The following AFF3 variants were observed in gnomAD, a reference collection of about 807,000 sequenced individuals.
The protein encoded by AFF3 is ALF transcription elongation factor 3.
Under a neutral mutation model 129.7 loss-of-function variants are expected in AFF3, and 32 were observed. The ratio of observed to expected loss-of-function variants is 0.25; its 90% CI spans 0.19 to 0.33. The LOEUF (loss-of-function observed/expected upper bound fraction) is 0.33. Among genes scored for constraint, AFF3 ranks in the 10% least tolerant of loss-of-function variants. The pLI, the probability that AFF3 is intolerant of heterozygous loss-of-function variation, is 1.00. For missense variants in AFF3, 1,373 were observed against 1,592.0 expected (o/e 0.86, Z 2.34); for synonymous variants, 644 against 635.4 (o/e 1.01, Z -0.20).
chr2:99,847,649 TG>T lies in AFF3; in HGVS notation c.874-10126del, dbSNP rs202159581. Among the ~76,000 whole-genome samples, 972 of 152,014 alleles carry T rather than the reference TG, an allele frequency of 6.4e-3. 12 individuals are homozygous for T. Among genetic ancestry groups the T allele is most frequent in the African/African-American group, 0.022 (917 of 41,490 alleles). ...AGTGAGTCCTTCTGCTTGTAGAACT[TG>T]GGGTATCTGGGGCTGAACTCAGATA... On this transcript the variant is annotated intron_variant, in intron 7 of 24. Coordinates refer to ENST00000672756, the MANE Select transcript of AFF3 (RefSeq NM_001386135.1).
intron 12 of AFF3, among the ~76,000 whole-genome samples, chr2:99,667,318 T>C (rs1686755755): frequency 6.6e-6 from 1 of 152,164 alleles, no homozygotes; most frequent in Non-Finnish European, 1.5e-5. Flanking sequence ...CTGAACTGAA[T>C]GACGATGAAA....
At chr2:99,968,757 T>C (rs1421673893) in intron 7 of AFF3, among the ~76,000 whole-genome samples, 1 of 152,176 alleles carries the variant, frequency 6.6e-6, no homozygotes, top group Non-Finnish European at 1.5e-5. Flanking sequence ...ATAAAAGGCA[T>C]GGGCAGCCAC....
chr2:99,986,331 A>G (rs1009351232), intron 7 of AFF3, among the ~76,000 whole-genome samples: 2 of 151,724 alleles, frequency 1.3e-5, no homozygotes, highest in South Asian at 4.1e-4. Context: ...AACCTCTTCA[A>G]GCGGCAAAAT....
intron 8 of AFF3, among the ~76,000 whole-genome samples, chr2:99,813,927 G>A (rs1686999914): frequency 6.6e-6 from 1 of 152,156 alleles, no homozygotes; most frequent in Admixed American, 6.5e-5. Context: ...TTGTTCTAAT[G>A]AAACCCATTC....
intron 8 of AFF3, among the ~76,000 whole-genome samples, chr2:99,762,834 T>G (rs113103238): frequency 3.7e-4 from 57 of 152,366 alleles, no homozygotes; most frequent in African/African-American, 1.3e-3. Context: ...ATGCTCACGT[T>G]GATGTTTATG....
chr2:99,901,363 T>C (rs1231526497), intron 7 of AFF3, among the ~76,000 whole-genome samples: 1 of 152,200 alleles, frequency 6.6e-6, no homozygotes, highest in Non-Finnish European at 1.5e-5. Flanking sequence ...TCTGGGTGCT[T>C]GGGCTGTGCA....
At chr2:100,133,088 T>C (rs1692491167) in intron 1 of AFF3, among the ~76,000 whole-genome samples, 1 of 151,542 alleles carries the variant, frequency 6.6e-6, no homozygotes, top group African/African-American at 2.4e-5. Context: ...CTACCATACC[T>C]GGCTCTCATA....
intron 7 of AFF3, among the ~76,000 whole-genome samples, chr2:99,901,613 A>T (rs1576312672): frequency 6.6e-6 from 1 of 150,984 alleles, no homozygotes; most frequent in Admixed American, 6.6e-5. Flanking sequence ...TCCTCATTTC[A>T]CCCCCATCCA....
intron 8 of AFF3, among the ~76,000 whole-genome samples, chr2:99,764,907 C>T (rs1472997539): frequency 1.3e-5 from 2 of 151,562 alleles, no homozygotes; most frequent in Non-Finnish European, 2.9e-5. Flanking sequence ...TTTAAAAATG[C>T]TTTTTTTGAC....
intron 8 of AFF3, among the ~76,000 whole-genome samples, chr2:99,773,829 C>T (rs1192814740): frequency 1.1e-4 from 16 of 152,080 alleles, no homozygotes; most frequent in Non-Finnish European, 1.5e-5. Flanking sequence ...TCTAGAAAAC[C>T]CCATCGTCTC....
intron 13 of AFF3, among the ~76,000 whole-genome samples, chr2:99,628,673 C>T (rs1462536542): frequency 6.6e-6 from 1 of 150,630 alleles, no homozygotes; most frequent in Non-Finnish European, 1.5e-5. Context: ...TCTCCTGCCT[C>T]AGCCTCCTGA....
At chr2:99,691,403 C>T (rs1426596164) in intron 11 of AFF3, among the ~76,000 whole-genome samples, 1 of 152,164 alleles carries the variant, frequency 6.6e-6, no homozygotes, top group Admixed American at 6.5e-5. Context: ...TTCAGAGTTG[C>T]TGATGCTATT....
chr2:100,130,025 A>G (rs762046995), intron 1 of AFF3, among the ~76,000 whole-genome samples: 3 of 152,170 alleles, frequency 2.0e-5, no homozygotes, highest in Non-Finnish European at 2.9e-5. Context: ...TGTGCATGAA[A>G]AGGAGGCATG....
chr2:99,839,029 T>C (rs1410319540), intron 7 of AFF3, among the ~76,000 whole-genome samples: 1 of 152,194 alleles, frequency 6.6e-6, no homozygotes, highest in African/African-American at 2.4e-5. Context: ...TTAGGGGATT[T>C]ATCCAAGTCT....
chr2:99,571,696 A>G (rs1676490058), intron 18 of AFF3, among the ~76,000 whole-genome samples: 1 of 152,248 alleles, frequency 6.6e-6, no homozygotes, highest in African/African-American at 2.4e-5. Context: ...AGGGCTCACT[A>G]TAATGAGTCA....
chr2:99,677,465 G>A (rs543872139), intron 11 of AFF3, among the ~76,000 whole-genome samples: 10 of 152,130 alleles, frequency 6.6e-5, no homozygotes, highest in South Asian at 4.1e-4. Flanking sequence ...TTTAACGTGC[G>A]ATTAAGCGAT....
chr2:99,813,966 T>C (rs770317521), intron 8 of AFF3, among the ~76,000 whole-genome samples: 2 of 152,118 alleles, frequency 1.3e-5, no homozygotes, highest in Non-Finnish European at 2.9e-5. Flanking sequence ...GAGCAAACAA[T>C]AGATGCCAAA....
intron 11 of AFF3, among the ~76,000 whole-genome samples, chr2:99,691,988 G>A (rs769017324): frequency 6.6e-6 from 1 of 152,208 alleles, no homozygotes; most frequent in African/African-American, 2.4e-5. Context: ...AGTATGGAAG[G>A]CTTTATGTAC....
At chr2:99,783,448 A>G (rs1352712710) in intron 8 of AFF3, among the ~76,000 whole-genome samples, 1 of 152,198 alleles carries the variant, frequency 6.6e-6, no homozygotes, top group Non-Finnish European at 1.5e-5. Flanking sequence ...CTGCAGTGTG[A>G]GGGAACTCAT....
Sources: gnomAD v4.1 joint callset for allele counts (sites outside exome capture counted in the v4.1 genomes callset) on GRCh38, gnomAD v4.1.1 for gene constraint, MANE v1.5 for transcripts, NCBI Gene and HGNC (gene_info 2026-07-23, HGNC 2026-07-21) for gene names.